Variants in STK3 observed in about 807,000 individuals in gnomAD.
The protein encoded by STK3 is serine/threonine-protein kinase 3.
In STK3, 41 loss-of-function variants were observed where a neutral mutation model predicts 58.0. The ratio of observed to expected loss-of-function variants is 0.71; its 90% CI spans 0.55 to 0.92. STK3 has a LOEUF of 0.92. Among genes scored for constraint, STK3 ranks in the 40% least tolerant of loss-of-function variants. STK3 has a pLI of 0.00. For missense variants in STK3, 479 were observed against 602.7 expected (o/e 0.79, Z 2.15); for synonymous variants, 170 against 191.0 (o/e 0.89, Z 0.91).
chr8:98,832,255 A>ATATATATATATATATAGATATCT (rs1554687706), intron 3 of STK3, among the ~76,000 whole-genome samples: 2 of 138,868 alleles, frequency 1.4e-5, no homozygotes, highest in Non-Finnish European at 3.2e-5. Flanking sequence ...AAAAAAAAAA[A>ATATATATATATATATAGATATCT]ATATATATAT....
intron 3 of STK3, among the ~76,000 whole-genome samples, chr8:98,869,652 T>G (rs1178315976): frequency 3.3e-5 from 5 of 152,160 alleles, no homozygotes; most frequent in African/African-American, 4.8e-5. Flanking sequence ...AAGGGAGGAT[T>G]TTCCCCTAGA....
intron 3 of STK3, among the ~76,000 whole-genome samples, chr8:98,749,669 T>C (rs1009789185): frequency 6.6e-6 from 1 of 152,076 alleles, no homozygotes; most frequent in Non-Finnish European, 1.5e-5. Context: ...AAGAACTTAC[T>C]ACTTAACATG....
chr8:98,346,231 G>A, the STK3 span, among the ~76,000 whole-genome samples: 4 of 150,458 alleles, frequency 2.7e-5, no homozygotes, highest in African/African-American at 9.9e-5. Context: ...GTTGCACTGA[G>A]CTGAGATCAC....
intron 3 of STK3, among the ~76,000 whole-genome samples, chr8:98,403,173 C>T (rs1166024658): frequency 6.6e-6 from 1 of 152,238 alleles, no homozygotes; most frequent in African/African-American, 2.4e-5. Flanking sequence ...TCCCCTTTGA[C>T]TCCAGAGACT....
chr8:98,615,058 CCT>C (rs921178965), intron 6 of STK3, among the ~76,000 whole-genome samples: 31 of 151,910 alleles, frequency 2.0e-4, no homozygotes, highest in African/African-American at 7.0e-4. Flanking sequence ...CTTAAATGTC[CCT>C]GTCTGACAGC....
At chr8:98,745,541 G>C (rs1829583240) in intron 4 of STK3, among the ~76,000 whole-genome samples, 1 of 152,100 alleles carries the variant, frequency 6.6e-6, no homozygotes. Context: ...CACACGAGCA[G>C]TGTATTTTGT....
chr8:98,925,175 T>G (rs1378771486), intron 1 of STK3, among the ~76,000 whole-genome samples: 1 of 152,206 alleles, frequency 6.6e-6, no homozygotes, highest in Non-Finnish European at 1.5e-5. Context: ...CAATGCTACT[T>G]CTCTCTATGT....
intron 3 of STK3, among the ~76,000 whole-genome samples, chr8:98,759,543 C>T (rs1830495858): frequency 6.6e-6 from 1 of 151,742 alleles, no homozygotes; most frequent in Non-Finnish European, 1.5e-5. Context: ...GAAGGATTAC[C>T]AAAACATGAC....
intron 1 of STK3, chr8:98,782,644 T>C (rs890721713): frequency 9.6e-6 from 2 of 209,008 alleles, no homozygotes; most frequent in South Asian, 8.1e-5. Flanking sequence ...CCCCTTCTCT[T>C]GTCTGTACAT....
intron 8 of STK3, among the ~76,000 whole-genome samples, chr8:98,551,751 A>G (rs1483213244): frequency 2.0e-5 from 3 of 152,118 alleles, no homozygotes; most frequent in Non-Finnish European, 2.9e-5. Context: ...CCCCCCGAAT[A>G]TGCACATTGT....
chr8:98,707,147 T>C lies in STK3; in HGVS notation c.516A>G (p.Thr172=), dbSNP rs1826025016. The change falls in exon 5 of 11, where the codon ACA becomes ACG. Residue 172 remains threonine (T), a splice_region_variant and synonymous_variant. Coordinates refer to ENST00000419617, the MANE Select transcript of STK3 (RefSeq NM_006281.4). Reference sequence around the variant, plus strand: ...TAGAAAACCATTAAAGTTAACTTACTGTTAACTGACCAGCCACTCCAAAAT... The same window carrying C: ...TAGAAAACCATTAAAGTTAACTTACCGTTAACTGACCAGCCACTCCAAAAT... ...LADFGVAGQL[T]DTMAKRNTVI... is the part of the protein sequence containing the mutation. 6.2e-7 allele frequency: 1 copy of C among 1,605,412 alleles called. No individual in the cohort carries two copies.
intron 6 of STK3, among the ~76,000 whole-genome samples, chr8:98,690,002 T>G (rs181117554): frequency 1.3e-5 from 2 of 152,216 alleles, no homozygotes; most frequent in East Asian, 3.9e-4. Context: ...TACTCCTTCA[T>G]TATAAAAATC....
chr8:98,822,546 A>G (rs1834975954), intron 1 of STK3, among the ~76,000 whole-genome samples: 1 of 152,234 alleles, frequency 6.6e-6, no homozygotes, highest in African/African-American at 2.4e-5. Context: ...AATCAAATGT[A>G]TATCACATTA....
chr8:98,617,749 C>G (rs1466288113), intron 6 of STK3, among the ~76,000 whole-genome samples: 1 of 151,498 alleles, frequency 6.6e-6, no homozygotes, highest in Non-Finnish European at 1.5e-5. Flanking sequence ...TACACTCTCC[C>G]AAGACTAAAC....
chr8:98,419,375 T>C (rs1586554449), intron 3 of STK3, among the ~76,000 whole-genome samples: 1 of 148,604 alleles, frequency 6.7e-6, no homozygotes, highest in African/African-American at 2.5e-5. Flanking sequence ...AAAAAAAGAG[T>C]CTGTGATCTA....
intron 6 of STK3, among the ~76,000 whole-genome samples, chr8:98,665,823 C>A (rs752044699): frequency 6.6e-6 from 1 of 152,066 alleles, no homozygotes; most frequent in Non-Finnish European, 1.5e-5. Context: ...CCTGCCTCAG[C>A]CTCCAGAGTA....
chr8:98,785,053 T>A (rs1290045494), intron 1 of STK3, among the ~76,000 whole-genome samples: 1 of 152,178 alleles, frequency 6.6e-6, no homozygotes, highest in Non-Finnish European at 1.5e-5. Context: ...TAGATTATGG[T>A]GCAGCAAGGC....
At chr8:98,547,902 G>A (rs771735095) in intron 9 of STK3, 67 bp downstream of exon 9, 2 of 1,370,986 alleles carry the variant, frequency 1.5e-6, no homozygotes, top group East Asian at 5.4e-5. Context: ...CACAGAACTA[G>A]CCTGGTTCCT....
intron 3 of STK3, among the ~76,000 whole-genome samples, chr8:98,877,349 A>AG (rs1564077798): frequency 6.6e-6 from 1 of 151,966 alleles, no homozygotes; most frequent in African/African-American, 2.4e-5. Context: ...TACTTTTCAA[A>AG]CTCCAAAGCT....
Sources: gnomAD v4.1 joint callset for allele counts (sites outside exome capture counted in the v4.1 genomes callset) on GRCh38, gnomAD v4.1.1 for gene constraint, MANE v1.5 for transcripts, NCBI Gene and HGNC (gene_info 2026-07-23, HGNC 2026-07-21) for gene names.